CACNA1C: variants seen among roughly 807,000 people sequenced by gnomAD.
The protein encoded by CACNA1C is voltage-dependent L-type calcium channel subunit alpha-1C.
In CACNA1C, 30 loss-of-function variants were observed where a neutral mutation model predicts 229.0. The observed-to-expected ratio is 0.13, with a 90% CI of 0.10 to 0.18. The LOEUF (loss-of-function observed/expected upper bound fraction) is 0.18, where lower values mean the gene tolerates loss of function less well. CACNA1C is among the 10% of genes least tolerant of loss of function. The probability of loss-of-function intolerance (pLI) is 1.00; values close to 1 mark genes in which losing one functional copy is unlikely to be tolerated. For missense variants in CACNA1C, 1,658 were observed against 2,845.0 expected, an observed-to-expected ratio of 0.58 and a Z score of 9.49; for synonymous variants, 1,114 against 1,132.5, an observed-to-expected ratio of 0.98 and a Z score of 0.33.
chr12:2,609,781 C>T (rs988682500), intron 27 of CACNA1C, among the ~76,000 whole-genome samples: 3 of 151,886 alleles, frequency 2.0e-5, no homozygotes, highest in Non-Finnish European at 4.4e-5. Flanking sequence ...CTCCTTCCCT[C>T]TCAGTGAACT....
rs1328109384 is a variant in CACNA1C, at chr12:2,689,624, G to A, written c.6117+845G>A. 1.3e-5 allele frequency among the ~76,000 whole-genome samples: 2 copies of A among 152,006 alleles called. No individual in the cohort carries two copies. Among genetic ancestry groups the A allele is most frequent in the African/African-American group, 4.8e-5 (2 of 41,400 alleles). ...AGCCAAGCAGAGACTGTGCTCATCCGGGCGTCAGGCTGTGGTGCAGGAGGT... is the reference window on the plus strand; with the variant it reads ...AGCCAAGCAGAGACTGTGCTCATCCAGGCGTCAGGCTGTGGTGCAGGAGGT... On this transcript the variant is annotated intron_variant, in intron 46 of 46. Transcript: ENST00000399655. This position sits in a 1 kb window ranked among gnomAD's most constrained non-coding sequence, Gnocchi z 4.2.
At chr12:2,229,927 G>T (rs2064276510) in intron 3 of CACNA1C, among the ~76,000 whole-genome samples, 1 of 152,182 alleles carries the variant, frequency 6.6e-6, no homozygotes, top group African/African-American at 2.4e-5. Context: ...GGTGTGGCGT[G>T]GTCTGACGCG....
chr12:2,684,813 G>A (rs1455218465), intron 43 of CACNA1C, among the ~76,000 whole-genome samples: 2 of 152,150 alleles, frequency 1.3e-5, no homozygotes, highest in African/African-American at 4.8e-5. Context: ...TAGTCTTGAA[G>A]GTATAAATAC....
intron 3 of CACNA1C, among the ~76,000 whole-genome samples, chr12:2,186,722 T>C (rs993717702): frequency 3.3e-5 from 5 of 152,194 alleles, no homozygotes; most frequent in Non-Finnish European, 5.9e-5. Flanking sequence ...CCAGGTACTA[T>C]GCTAAGTCAG....
intron 3 of CACNA1C, among the ~76,000 whole-genome samples, chr12:2,340,863 A>G (rs940609679): frequency 6.6e-5 from 10 of 152,090 alleles, no homozygotes; most frequent in African/African-American, 2.4e-4. Flanking sequence ...AGACTGAGGC[A>G]GGAGAATGGC....
intron 1 of CACNA1C, among the ~76,000 whole-genome samples, chr12:2,023,578 C>T (rs930913422): frequency 5.3e-5 from 8 of 152,160 alleles, no homozygotes; most frequent in Admixed American, 3.3e-4. Context: ...TTTCCTCAGC[C>T]TGTCATAAAT....
intron 3 of CACNA1C, among the ~76,000 whole-genome samples, chr12:2,434,778 G>A (rs2099118130): frequency 1.3e-5 from 2 of 152,160 alleles, no homozygotes; most frequent in Admixed American, 6.5e-5. Flanking sequence ...TCCCCGTCAG[G>A]CCGTAACATT....
At chr12:2,520,119 G>A (rs1216617272) in intron 9 of CACNA1C, among the ~76,000 whole-genome samples, 1 of 151,218 alleles carries the variant, frequency 6.6e-6, no homozygotes, top group Non-Finnish European at 1.5e-5. Context: ...TGCTTCAGAG[G>A]AGGGAAGCCG....
At chr12:2,128,665 C>G (rs2154166778) in intron 3 of CACNA1C, among the ~76,000 whole-genome samples, 1 of 152,292 alleles carries the variant, frequency 6.6e-6, no homozygotes, top group African/African-American at 2.4e-5. Flanking sequence ...CCCGCCTCGG[C>G]CTCCCAAAAT....
intron 3 of CACNA1C, among the ~76,000 whole-genome samples, chr12:2,307,361 C>T (rs915531277): frequency 1.3e-5 from 2 of 152,164 alleles, no homozygotes; most frequent in Non-Finnish European, 2.9e-5. Context: ...CTTTATTTAA[C>T]AGTTGAGGCA....
At chr12:2,196,711 G>A (rs1053030516) in intron 3 of CACNA1C, among the ~76,000 whole-genome samples, 2 of 152,202 alleles carry the variant, frequency 1.3e-5, no homozygotes, top group African/African-American at 2.4e-5. Flanking sequence ...CGTAAAAGAC[G>A]GTTGCTTTAT....
Position 2,067,588 on chromosome 12 carries a change from A to G in CACNA1C, c.49+13977A>G, listed in dbSNP as rs964618472. 1.9e-4 allele frequency among the ~76,000 whole-genome samples: 29 copies of G among 152,196 alleles called. No individual in the cohort carries two copies. Among genetic ancestry groups the G allele is most frequent in the African/African-American group, 7.0e-4 (29 of 41,518 alleles). On this transcript the variant is annotated intron_variant, in intron 1 of 46. Transcript: ENST00000399655. The surrounding 1 kb of genome is among the most constrained non-coding windows in gnomAD (Gnocchi z 5.3). Reference sequence around the variant, plus strand: ...CTTCTGGGTGCTGACACCAAAGCAGAGAGAGCTCGTGGTGTGCAGCCCTGA... The same window carrying G: ...CTTCTGGGTGCTGACACCAAAGCAGGGAGAGCTCGTGGTGTGCAGCCCTGA...
intron 3 of CACNA1C, among the ~76,000 whole-genome samples, chr12:2,294,702 TGTTA>T (rs958177036): frequency 6.6e-6 from 1 of 152,164 alleles, no homozygotes; most frequent in African/African-American, 2.4e-5. Flanking sequence ...GAAATGGCTT[TGTTA>T]GTTAATATGT....
At chr12:2,027,910 C>A (rs1409341237) in intron 1 of CACNA1C, among the ~76,000 whole-genome samples, 2 of 152,212 alleles carry the variant, frequency 1.3e-5, no homozygotes, top group African/African-American at 4.8e-5. Context: ...CAGCTTGTCT[C>A]CCAAGAGGGG....
At position 2,067,475 on chromosome 12, in the gene CACNA1C, T is replaced by TG. The variant is rs1326675489; in HGVS notation, c.49+13865dup. 1.5e-5 allele frequency among the ~76,000 whole-genome samples: 2 copies of TG among 134,072 alleles called. No homozygotes were observed. The highest frequency in any genetic ancestry group is 8.3e-5 in the Admixed American group (1 of 12,040). The allele number at this position is 134,072 out of a possible 152,430, so 88.0% of individuals were successfully genotyped here. ...GTGTGTGTGTGTGTGTGTGTGTGTG[T>TG]GTGTGTGCGCGCGTGTGCGTGCCTG... On this transcript the variant is annotated intron_variant, in intron 1 of 46. Transcript: ENST00000399655. The surrounding 1 kb of genome is among the most constrained non-coding windows in gnomAD (Gnocchi z 5.3).
intron 1 of CACNA1C, among the ~76,000 whole-genome samples, chr12:2,003,887 T>C (rs995373064): frequency 2.6e-5 from 4 of 152,120 alleles, no homozygotes; most frequent in Non-Finnish European, 5.9e-5. Context: ...GCACTTTTAT[T>C]CGTCTGCTGT....
At position 2,215,501 on chromosome 12, in the gene CACNA1C, C is replaced by T. The variant is rs941554710; in HGVS notation, c.477+95071C>T. On this transcript the variant is annotated intron_variant, in intron 3 of 46. Transcript: ENST00000399655. The surrounding 1 kb of genome is among the most constrained non-coding windows in gnomAD (Gnocchi z 5.0). The stretch of plus-strand genomic sequence containing the variant: ...CCTCTCCTTCCTCGGGGCCTGATTC[C>T]TCCAGCTCATGCTCTGTCTTTCCTC... Among the ~76,000 whole-genome samples the T allele has an allele frequency of 6.6e-6, 1 of 152,216 alleles. No homozygotes were observed. Among genetic ancestry groups the T allele is most frequent in the Non-Finnish European group, 1.5e-5 (1 of 68,042 alleles).
chr12:2,389,872 G>A (rs2098455132), intron 3 of CACNA1C, among the ~76,000 whole-genome samples: 1 of 152,122 alleles, frequency 6.6e-6, no homozygotes, highest in African/African-American at 2.4e-5. Context: ...GCAAGTTCCA[G>A]CTGGTTACAG....
Position 2,053,945 on chromosome 12 carries a change from G to C in CACNA1C, c.49+334G>C, listed in dbSNP as rs1479153255. Among the ~76,000 whole-genome samples the C allele has an allele frequency of 2.0e-5, 3 of 149,926 alleles. No individual in the cohort carries two copies. The highest frequency in any genetic ancestry group is 4.5e-5 in the Non-Finnish European group (3 of 67,248). ...TTTCTCGCGTCCGCCTGGAGAGCCCGGCTGCCTGGCCAGCCGCGCGGGGGG... is the reference window on the plus strand; with the variant it reads ...TTTCTCGCGTCCGCCTGGAGAGCCCCGCTGCCTGGCCAGCCGCGCGGGGGG... On this transcript the variant is annotated intron_variant, in intron 1 of 46. Coordinates refer to ENST00000399655, the MANE Select transcript of CACNA1C (RefSeq NM_000719.7). This position sits in a 1 kb window ranked among gnomAD's most constrained non-coding sequence, Gnocchi z 5.8.
Sources: allele counts gnomAD v4.1 joint callset (sites outside exome capture counted in the v4.1 genomes callset), GRCh38; gene constraint gnomAD v4.1.1; non-coding constraint Gnocchi (gnomAD v3.1); transcripts MANE v1.5; gene names NCBI Gene and HGNC (gene_info 2026-07-23, HGNC 2026-07-21).